Variants in NTNG2 observed in about 807,000 individuals in gnomAD.
NTNG2 encodes netrin-G2.
Under a neutral mutation model 47.6 loss-of-function variants are expected in NTNG2, and 15 were observed. That is an observed-to-expected ratio of 0.32 (90% CI 0.21 to 0.49). The LOEUF (loss-of-function observed/expected upper bound fraction) is 0.49. Ranked by LOEUF, NTNG2 falls within the 20% of genes least tolerant of loss-of-function variation. The probability of loss-of-function intolerance (pLI) is 0.99; values close to 1 mark genes in which losing one functional copy is unlikely to be tolerated. For missense variants in NTNG2, 578 were observed against 764.6 expected, an observed-to-expected ratio of 0.76 and a Z score of 2.88; for synonymous variants, 307 against 324.6, an observed-to-expected ratio of 0.95 and a Z score of 0.58.
chr9:132,200,059 C>T (rs1010615384), intron 3 of NTNG2, among the ~76,000 whole-genome samples: 1 of 152,132 alleles, frequency 6.6e-6, no homozygotes, highest in Non-Finnish European at 1.5e-5. Flanking sequence ...GGGATGGTAA[C>T]AAGCATAAGT....
chr9:132,211,876 G>A (rs928563268), intron 3 of NTNG2, among the ~76,000 whole-genome samples: 1 of 152,186 alleles, frequency 6.6e-6, no homozygotes, highest in African/African-American at 2.4e-5. Flanking sequence ...CTTAGCACCA[G>A]CACCCAGAAC....
chr9:132,225,675 T>C (rs923082455), intron 3 of NTNG2, among the ~76,000 whole-genome samples: 3 of 152,336 alleles, frequency 2.0e-5, no homozygotes, highest in Middle Eastern at 3.4e-3. Flanking sequence ...AAATTTCCAG[T>C]TATCTCATAA....
At chr9:132,235,345 G>A (rs1358075069) in intron 5 of NTNG2, among the ~76,000 whole-genome samples, 1 of 152,228 alleles carries the variant, frequency 6.6e-6, no homozygotes, top group African/African-American at 2.4e-5. Context: ...AGTCAGAACG[G>A]GGACGGCACA....
intron 4 of NTNG2, among the ~76,000 whole-genome samples, chr9:132,228,237 A>C: frequency 6.6e-6 from 1 of 152,274 alleles, no homozygotes; most frequent in East Asian, 1.9e-4. Context: ...CCACGTGCAG[A>C]GGCCATGACA....
At chr9:132,170,507 C>T (rs1835831093) in intron 2 of NTNG2, among the ~76,000 whole-genome samples, 2 of 152,214 alleles carry the variant, frequency 1.3e-5, no homozygotes, top group African/African-American at 4.8e-5. Context: ...GCATCTCAGC[C>T]CCTCACAGGG....
rs895676845 is a variant in NTNG2 at position 132,231,312 on chromosome 9, C to T, written c.1054+717C>T. The stretch of plus-strand genomic sequence containing the variant: ...CCTTTCAGCCTTGCAAACCCCTCCC[C>T]CTGGGAGGTCGCCATCTGCTCTGCG... On this transcript the variant is annotated intron_variant, in intron 5 of 7. Transcript: ENST00000393229. The surrounding 1 kb of genome is among the most constrained non-coding windows in gnomAD (Gnocchi z 4.1). 8 of 456,306 alleles carry T rather than the reference C, an allele frequency of 1.8e-5. No homozygotes were observed. The highest frequency in any genetic ancestry group is 1.0e-4 in the African/African-American group (5 of 50,064). The allele number at this position is 456,306 out of a possible 1,614,324, so 28.3% of individuals were successfully genotyped here.
At position 132,242,147 on chromosome 9, in the gene NTNG2, CG is replaced by C. The variant is rs984081973; in HGVS notation, c.*41del. 13 of 1,020,116 alleles carry C rather than the reference CG, an allele frequency of 1.3e-5. No homozygotes were observed. Among genetic ancestry groups the C allele is most frequent in the Admixed American group, 1.0e-4 (2 of 19,216 alleles). The allele number at this position is 1,020,116 out of a possible 1,614,324, so 63.2% of individuals were successfully genotyped here. On this transcript the variant is annotated 3_prime_UTR_variant, in exon 8 of 8. Coordinates refer to ENST00000393229, the MANE Select transcript of NTNG2 (RefSeq NM_032536.4). This position sits in a 1 kb window ranked among gnomAD's most constrained non-coding sequence, Gnocchi z 5.9. ...GAGGACGCTCCCCGCACCCGGAGGC[CG>C]GGGGTCCCGGGGTCCCGGGGCGGGG...
chr9:132,192,073 T>G (rs1837934777), intron 2 of NTNG2, among the ~76,000 whole-genome samples: 1 of 152,232 alleles, frequency 6.6e-6, no homozygotes, highest in Admixed American at 6.5e-5. Flanking sequence ...TTGTTCTGAC[T>G]GCTGTTTTTG....
chr9:132,241,352 A>G, intron 7 of NTNG2: 1 of 425,604 alleles, frequency 2.3e-6, no homozygotes, highest in Non-Finnish European at 4.2e-6. Context: ...AGCGAGACGG[A>G]GCTGGCAGGT....
At position 132,218,461 on chromosome 9, in the gene NTNG2, C is replaced by A. The variant is rs567484584; in HGVS notation, c.858-8388C>A. ...TCTACCCAGGAGACTTCCTTTGAGG[C>A]ACAATGTGATAGCGTTTTGTTTTTT... On this transcript the variant is annotated intron_variant, in intron 3 of 7. Coordinates refer to ENST00000393229, the MANE Select transcript of NTNG2 (RefSeq NM_032536.4). The surrounding 1 kb of genome is among the most constrained non-coding windows in gnomAD (Gnocchi z 5.4). Among the ~76,000 whole-genome samples the A allele has an allele frequency of 8.6e-5, 13 of 151,954 alleles. No individual in the cohort carries two copies. Among genetic ancestry groups the A allele is most frequent in the Middle Eastern group, 3.4e-3 (1 of 290 alleles).
At chr9:132,217,799 G>A (rs1362727697) in intron 3 of NTNG2, among the ~76,000 whole-genome samples, 3 of 152,200 alleles carry the variant, frequency 2.0e-5, no homozygotes, top group Non-Finnish European at 2.9e-5. Context: ...CAACTTTCCT[G>A]AGGTCACACA....
At chr9:132,191,672 C>T (rs564466679) in intron 2 of NTNG2, among the ~76,000 whole-genome samples, 4 of 152,150 alleles carry the variant, frequency 2.6e-5, no homozygotes, top group Admixed American at 6.5e-5. Context: ...CCTGGGTTCA[C>T]GCCATTCTCC....
In NTNG2 at chr9:132,193,843, G is replaced by A. The variant is rs181228388; in HGVS notation, c.214-4123G>A. On this transcript the variant is annotated intron_variant, in intron 2 of 7. Transcript: ENST00000393229. ...CTGGAGGCTGAAAGTCCAAGATGAA[G>A]TTGTTGGCAGGTTTGGTTTCTGGAG... is the stretch of plus-strand genomic sequence containing the variant. Among the ~76,000 whole-genome samples the A allele has an allele frequency of 3.3e-3, 504 of 152,254 alleles. 6 individuals carry two copies. Among genetic ancestry groups the A allele is most frequent in the African/African-American group, 0.011 (462 of 41,526 alleles).
At position 132,218,491 on chromosome 9, in the gene NTNG2, T is replaced by TC. The variant is rs1840137390; in HGVS notation, c.858-8358_858-8357insC. Among the ~76,000 whole-genome samples the TC allele has an allele frequency of 6.6e-6, 1 of 151,658 alleles. No individual in the cohort carries two copies. The highest frequency in any genetic ancestry group is 1.9e-4 in the East Asian group (1 of 5,166). On this transcript the variant is annotated intron_variant, in intron 3 of 7. Transcript: ENST00000393229. This position sits in a 1 kb window ranked among gnomAD's most constrained non-coding sequence, Gnocchi z 5.4. Reference sequence around the variant, plus strand: ...TGTGATAGCGTTTTGTTTTTTTGTTTTTTTTGTTTTTCTGGTTTTTTTGAG... The same window carrying TC: ...TGTGATAGCGTTTTGTTTTTTTGTTTCTTTTTGTTTTTCTGGTTTTTTTGAG...
intron 2 of NTNG2, among the ~76,000 whole-genome samples, chr9:132,193,706 G>A (rs1005594714): frequency 3.3e-5 from 5 of 152,150 alleles, no homozygotes; most frequent in African/African-American, 1.2e-4. Flanking sequence ...CTCCCGGCCT[G>A]TTCCCTCTTT....
chr9:132,241,545 C>T, intron 7 of NTNG2: 1 of 353,634 alleles, frequency 2.8e-6, no homozygotes, highest in Non-Finnish European at 5.2e-6. Flanking sequence ...TCCAAGTCGG[C>T]GTTAGCCGCG....
intron 2 of NTNG2, among the ~76,000 whole-genome samples, chr9:132,171,334 G>A (rs7858628): frequency 2.0e-5 from 3 of 152,060 alleles, no homozygotes; most frequent in South Asian, 2.1e-4. Context: ...CCGACTTCCT[G>A]GGAGAGGAAA....
At chr9:132,187,417 A>G (rs377575125) in intron 2 of NTNG2, among the ~76,000 whole-genome samples, 1 of 152,224 alleles carries the variant, frequency 6.6e-6, no homozygotes, top group Non-Finnish European at 1.5e-5. Flanking sequence ...TCTGTTGTCC[A>G]GGGCCTGTGC....
intron 2 of NTNG2, among the ~76,000 whole-genome samples, chr9:132,187,217 C>T (rs1837461547): frequency 6.6e-6 from 1 of 152,210 alleles, no homozygotes; most frequent in Admixed American, 6.5e-5. Context: ...CTGGGACAAG[C>T]GAGTCCCTGG....
Sources: allele counts gnomAD v4.1 joint callset (sites outside exome capture counted in the v4.1 genomes callset), GRCh38; gene constraint gnomAD v4.1.1; non-coding constraint Gnocchi (gnomAD v3.1); transcripts MANE v1.5; gene names NCBI Gene and HGNC (gene_info 2026-07-23, HGNC 2026-07-21).